COL5A1: variants seen among roughly 807,000 people sequenced by gnomAD.
COL5A1 encodes the protein collagen type V alpha 1 chain, also known as collagen alpha-1(V) chain.
In COL5A1, 16 loss-of-function variants were observed where a neutral mutation model predicts 263.7. That is an observed-to-expected ratio of 0.06 (90% CI 0.04 to 0.09). The LOEUF is 0.09. COL5A1 is among the 10% of genes least tolerant of loss of function. COL5A1 has a pLI of 1.00. For missense variants in COL5A1, 2,036 were observed against 2,540.5 expected (o/e 0.80, Z 4.27); for synonymous variants, 1,012 against 1,004.5 (o/e 1.01, Z -0.14).
intron 49 of COL5A1, among the ~76,000 whole-genome samples, 194 bp from the exon 50 acceptor site, chr9:134,814,603 T>G (rs1838667116): frequency 6.6e-6 from 1 of 152,104 alleles, no homozygotes; most frequent in South Asian, 2.1e-4. Flanking sequence ...GCTCCTCAGG[T>G]CCCCCTCAGG....
chr9:134,695,368 C>A (rs1371252388), intron 2 of COL5A1, among the ~76,000 whole-genome samples: 1 of 152,218 alleles, frequency 6.6e-6, no homozygotes, highest in Non-Finnish European at 1.5e-5. Context: ...GCTGCCCCCG[C>A]CAGTACCTTC....
chr9:134,728,788 A>G lies in COL5A1; in HGVS notation c.905A>G (p.Glu302Gly). The change falls in exon 6 of 66, where the codon GAA becomes GGA. Residue 302 changes from glutamate (E) to glycine (G), a missense_variant. Physicochemically the swap from Glu to Gly is moderately conservative, Grantham distance 98 (BLOSUM62 -2). This residue lies in a region of COL5A1 where 600 missense variants were observed against 634.5 expected (regional missense o/e 0.95). Transcript: ENST00000371817. ...AAGAAGCCCGTGGAAGCTGCCAAAGAAACCACAGAGGTCCCCGAGGTCTGG... is the reference window on the plus strand; with the variant it reads ...AAGAAGCCCGTGGAAGCTGCCAAAGGAACCACAGAGGTCCCCGAGGTCTGG... ...PSKKPVEAAK[E>G]TTEVPEELTP... is the part of the protein sequence containing the mutation. 6.2e-7 allele frequency: 1 copy of G among 1,614,196 alleles called. No individual in the cohort carries two copies. Among genetic ancestry groups the G allele is most frequent in the South Asian group, 1.1e-5 (1 of 91,088 alleles).
intron 1 of COL5A1, among the ~76,000 whole-genome samples, chr9:134,668,002 C>A (rs959116602): frequency 6.6e-6 from 1 of 152,174 alleles, no homozygotes; most frequent in Non-Finnish European, 1.5e-5. Context: ...GGAGTTGAGA[C>A]CTGCTCATCC....
chr9:134,671,639 T>C (rs1386273927), intron 1 of COL5A1, among the ~76,000 whole-genome samples: 1 of 151,988 alleles, frequency 6.6e-6, no homozygotes, highest in African/African-American at 2.4e-5. Flanking sequence ...CTCGGATGGG[T>C]GTGAGGAACC....
At chr9:134,673,678 A>G (rs1249963199) in intron 1 of COL5A1, among the ~76,000 whole-genome samples, 1 of 152,240 alleles carries the variant, frequency 6.6e-6, no homozygotes, top group Non-Finnish European at 1.5e-5. Context: ...TAGATAGGAA[A>G]CAAAACTATG....
intron 1 of COL5A1, among the ~76,000 whole-genome samples, chr9:134,690,559 G>A (rs766061161): frequency 2.6e-5 from 4 of 152,208 alleles, no homozygotes; most frequent in Non-Finnish European, 4.4e-5. Flanking sequence ...GCCCCTGCCA[G>A]CCTCAGGAGC....
intron 9 of COL5A1, among the ~76,000 whole-genome samples, chr9:134,736,148 GGTGGCCTGTGGCCT>G (rs755572399): frequency 6.6e-6 from 1 of 152,180 alleles, no homozygotes; most frequent in East Asian, 1.9e-4. Flanking sequence ...AGCAGCCTCC[GGTGGCCTGTGGCCT>G]GTGGCCTGGC....
At chr9:134,811,162 C>T (rs922902829) in intron 44 of COL5A1, among the ~76,000 whole-genome samples, 177 bp from the exon 45 acceptor site, 1 of 152,186 alleles carries the variant, frequency 6.6e-6, no homozygotes, top group Admixed American at 6.5e-5. Flanking sequence ...CCAAGATCCT[C>T]ATCTGCTTCC....
At chr9:134,779,303 A>G (rs546192272) in intron 27 of COL5A1, among the ~76,000 whole-genome samples, 1 of 152,340 alleles carries the variant, frequency 6.6e-6, no homozygotes, top group South Asian at 2.1e-4. Context: ...TCCACCCCAC[A>G]GATTTACCTC....
Position 134,821,431 on chromosome 9 carries a change from G to A in COL5A1, c.4555-666G>A, listed in dbSNP as rs73664152. Among the ~76,000 whole-genome samples the A allele has an allele frequency of 0.054, 8,156 of 152,192 alleles. 585 individuals are homozygous for A. Among genetic ancestry groups the A allele is most frequent in the African/African-American group, 0.16 (6,681 of 41,508 alleles). ...AGTGAAATACGGCCATCAGCCCTCC[G>A]CTACCCTCGCCCCCAGCTTCTGCCC... On this transcript the variant is annotated intron_variant, in intron 58 of 65. Coordinates refer to ENST00000371817, the MANE Select transcript of COL5A1 (RefSeq NM_000093.5). This position sits in a 1 kb window ranked among gnomAD's most constrained non-coding sequence, Gnocchi z 4.2.
rs1168930103 is a variant in COL5A1 at position 134,796,356 on chromosome 9, CT to C, written c.2800-17del. ...AATAACAATCATAAGCTTTTCCCCC[CT>C]CTCCTTCCCTCTCAAGGGCAACTCC... On this transcript the variant is annotated splice_polypyrimidine_tract_variant and intron_variant, in intron 34 of 65. Coordinates refer to ENST00000371817, the MANE Select transcript of COL5A1 (RefSeq NM_000093.5). 6 of 1,613,542 alleles carry C rather than the reference CT, an allele frequency of 3.7e-6. No homozygotes were observed. The highest frequency in any genetic ancestry group is 3.3e-5 in the South Asian group (3 of 91,072).
chr9:134,781,511 G>A (rs1837255040), intron 28 of COL5A1, among the ~76,000 whole-genome samples: 1 of 152,218 alleles, frequency 6.6e-6, no homozygotes, highest in African/African-American at 2.4e-5. Flanking sequence ...TCCTTTCCAA[G>A]GTGGCTTCAC....
chr9:134,830,070 G>A (rs1183981255), intron 64 of COL5A1, 26 bp downstream of exon 64: 9 of 1,613,602 alleles, frequency 5.6e-6, no homozygotes, highest in Admixed American at 3.3e-5. Context: ...GCGTCTTTGC[G>A]GTTGTCACTT....
At chr9:134,689,736 C>T (rs1224819348) in intron 1 of COL5A1, among the ~76,000 whole-genome samples, 1 of 152,232 alleles carries the variant, frequency 6.6e-6, no homozygotes, top group Non-Finnish European at 1.5e-5. Context: ...CGGTGTCATG[C>T]TCTGATTGGC....
intron 61 of COL5A1, among the ~76,000 whole-genome samples, chr9:134,824,102 G>A (rs1180507741): frequency 6.6e-6 from 1 of 152,204 alleles, no homozygotes; most frequent in African/African-American, 2.4e-5. Flanking sequence ...GGCATGGCGA[G>A]TGCACTATTG....
At chr9:134,710,477 GTTTAGTGCAGTGGTGGGGGAGGAGCCCCA>G (rs1833985619) in intron 4 of COL5A1, among the ~76,000 whole-genome samples, 1 of 136,612 alleles carries the variant, frequency 7.3e-6, no homozygotes, top group Non-Finnish European at 1.6e-5. Flanking sequence ...GAGGGGCCCC[GTTTAGTGCAGTGGTGGGGGAGGAGCCCCA>G]TTTGTTGGGT....
intron 1 of COL5A1, among the ~76,000 whole-genome samples, chr9:134,685,411 A>T (rs377705421): frequency 4.3e-5 from 1 of 23,024 alleles, no homozygotes; most frequent in Non-Finnish European, 8.4e-5. Context: ...TCCATCCATT[A>T]ATTCATCCAT....
In COL5A1 at chr9:134,821,129, C is replaced by T. The variant is rs964007946; in HGVS notation, c.4554+906C>T. 6.6e-6 allele frequency among the ~76,000 whole-genome samples: 1 copy of T among 152,150 alleles called. No individual in the cohort carries two copies. On this transcript the variant is annotated intron_variant, in intron 58 of 65. Coordinates refer to ENST00000371817, the MANE Select transcript of COL5A1 (RefSeq NM_000093.5). The surrounding 1 kb of genome is among the most constrained non-coding windows in gnomAD (Gnocchi z 4.2). ...TTTTCCTCTGCCGGTATCCCCAGGC[C>T]ACAGCAGGGTCGTCGGAGGAGTGCC...
At chr9:134,815,475 C>T (rs181680555) in intron 50 of COL5A1, 101 bp from the exon 51 acceptor site, 36 of 1,173,428 alleles carry the variant, frequency 3.1e-5, no homozygotes, top group Admixed American at 7.8e-5. Context: ...AGGAGCTGGA[C>T]GGTGGCAGGT....
Sources: gnomAD v4.1 joint callset for allele counts (sites outside exome capture counted in the v4.1 genomes callset) on GRCh38, gnomAD v4.1.1 for gene constraint, gnomAD v4.1.1 regional missense constraint, Gnocchi (gnomAD v3.1) non-coding constraint, MANE v1.5 for transcripts, NCBI Gene and HGNC (gene_info 2026-07-23, HGNC 2026-07-21) for gene names.